The following RNF150 variants were observed in gnomAD, a reference collection of about 807,000 sequenced individuals.
RNF150 encodes the protein ring finger protein 150.
A neutral mutation model predicts 39.3 loss-of-function variants in RNF150; 24 were observed. The observed-to-expected ratio is 0.61, with a 90% confidence interval of 0.44 to 0.86. The LOEUF is 0.86. RNF150 is among the 40% of genes least tolerant of loss of function. The pLI, the probability that RNF150 is intolerant of heterozygous loss-of-function variation, is 0.00. For synonymous variants in RNF150, 255 were observed against 227.3 expected, an observed-to-expected ratio of 1.12 and a Z score of -1.10; for missense variants, 502 against 587.8, an observed-to-expected ratio of 0.85 and a Z score of 1.51.
In RNF150 at chr4:140,873,224, A is replaced by G. The variant is rs556332434; in HGVS notation, c.1199-4845T>C. On this transcript the variant is annotated intron_variant, in intron 6 of 6. Coordinates refer to ENST00000515673, the MANE Select transcript of RNF150 (RefSeq NM_020724.2). ...ATACGGTAATACCTGTCTGATTCCC[A>G]GATGGACACCACTGGTGGGAGCTGA... 3.9e-5 allele frequency among the ~76,000 whole-genome samples: 6 copies of G among 152,364 alleles called. No individual in the cohort carries two copies. In the East Asian group the frequency reaches 9.6e-4, roughly 24 times the overall value.
At chr4:141,003,090 T>C (rs967818991) in intron 1 of RNF150, among the ~76,000 whole-genome samples, 2 of 152,152 alleles carry the variant, frequency 1.3e-5, no homozygotes, top group African/African-American at 4.8e-5. Context: ...TCTTTCTGCC[T>C]GATAAAGATA....
At chr4:140,941,356 A>G (rs1396083045) in intron 4 of RNF150, among the ~76,000 whole-genome samples, 1 of 152,224 alleles carries the variant, frequency 6.6e-6, no homozygotes, top group East Asian at 1.9e-4. Flanking sequence ...TTCTTAGAGT[A>G]ATCTCCAATA....
intron 1 of RNF150, among the ~76,000 whole-genome samples, chr4:140,999,888 A>C (rs1734511285): frequency 6.6e-6 from 1 of 150,462 alleles, no homozygotes; most frequent in African/African-American, 2.4e-5. Context: ...TAGTGAGCCG[A>C]GATCACGCCA....
intron 1 of RNF150, among the ~76,000 whole-genome samples, chr4:141,048,957 GAGAGCAGCAGTC>G (rs1378208007): frequency 2.0e-5 from 3 of 152,156 alleles, no homozygotes; most frequent in African/African-American, 4.8e-5. Context: ...GGTTGGCAGT[GAGAGCAGCAGTC>G]AGGCCTGATG....
At chr4:141,086,644 T>C (rs1738376839) in intron 1 of RNF150, among the ~76,000 whole-genome samples, 1 of 151,912 alleles carries the variant, frequency 6.6e-6, no homozygotes, top group Non-Finnish European at 1.5e-5. Flanking sequence ...ACATCTATAA[T>C]ATTTATTTAA....
At chr4:140,999,341 C>T (rs2111496097) in intron 1 of RNF150, among the ~76,000 whole-genome samples, 1 of 152,342 alleles carries the variant, frequency 6.6e-6, no homozygotes, top group African/African-American at 2.4e-5. Context: ...TATGAATATT[C>T]TTGTTTTTGA....
intron 1 of RNF150, among the ~76,000 whole-genome samples, chr4:141,175,754 G>A (rs1049997444): frequency 6.6e-6 from 1 of 152,210 alleles, no homozygotes; most frequent in African/African-American, 2.4e-5. Context: ...TCTGGAGGCT[G>A]GAAGTTCAAG....
At chr4:140,886,699 C>G (rs1263450033) in intron 6 of RNF150, among the ~76,000 whole-genome samples, 1 of 152,106 alleles carries the variant, frequency 6.6e-6, no homozygotes, top group Non-Finnish European at 1.5e-5. Context: ...CTTATTGCAG[C>G]CTCGACACCC....
chr4:141,169,374 C>A (rs536394430), intron 1 of RNF150, among the ~76,000 whole-genome samples: 1 of 152,280 alleles, frequency 6.6e-6, no homozygotes, highest in East Asian at 1.9e-4. Context: ...CCTGAGGAAC[C>A]ATGAGCCAAT....
At chr4:140,949,171 G>A in intron 3 of RNF150, 130 bp downstream of exon 3, 1 of 603,890 alleles carries the variant, frequency 1.7e-6, no homozygotes, top group Non-Finnish European at 2.9e-6. Context: ...TATAATAACA[G>A]ATACTGATAG....
In RNF150 at chr4:141,171,146, T is replaced by G. The variant is rs536869253; in HGVS notation, c.-6+41648A>C. 1.5e-3 allele frequency among the ~76,000 whole-genome samples: 228 copies of G among 152,302 alleles called. 1 individual carries two copies. The highest frequency in any genetic ancestry group is 3.4e-3 in the Middle Eastern group (1 of 294). On this transcript the variant is annotated intron_variant, in intron 1 of 7. Coordinates refer to the RNF150 transcript ENST00000420921. ...GCAAGGAGAGCTTCCAACATAGGGT[T>G]GTAAAGAATGACTTGTAAAAGAAGG...
chr4:141,132,552 G>A lies in RNF150; in HGVS notation c.257C>T (p.Ala86Val). 1 of 1,594,024 alleles carries A rather than the reference G, an allele frequency of 6.3e-7. No homozygotes were observed. Among genetic ancestry groups the A allele is most frequent in the Non-Finnish European group, 8.5e-7 (1 of 1,171,174 alleles). The change falls in exon 1 of 7, where the codon GCC becomes GTC. Residue 86 changes from alanine (A) to valine (V), a missense_variant. Transcript: ENST00000515673. The surrounding 1 kb of genome is among the most constrained non-coding windows in gnomAD (Gnocchi z 4.9). ...RYGEHSPKQD[A>V]RGEVVMASSA... Reference sequence around the variant, plus strand: ...GCTGGCCATGACCACCTCCCCGCGGGCGTCCTGCTTGGGCGAGTGCTCTCC... The same window carrying A: ...GCTGGCCATGACCACCTCCCCGCGGACGTCCTGCTTGGGCGAGTGCTCTCC...
At chr4:141,023,794 C>T (rs527339318) in intron 1 of RNF150, among the ~76,000 whole-genome samples, 3 of 152,136 alleles carry the variant, frequency 2.0e-5, no homozygotes, top group East Asian at 1.9e-4. Flanking sequence ...ACAAACTTCA[C>T]GGTGCTTTCC....
chr4:141,113,212 T>C (rs1423691830), intron 1 of RNF150, among the ~76,000 whole-genome samples: 3 of 151,834 alleles, frequency 2.0e-5, no homozygotes, highest in South Asian at 2.1e-4. Flanking sequence ...ACCCCGCTTC[T>C]GAGCCTACTT....
chr4:141,016,141 G>A, intron 1 of RNF150, among the ~76,000 whole-genome samples: 1 of 151,888 alleles, frequency 6.6e-6, no homozygotes, highest in South Asian at 2.1e-4. Context: ...TCTTTTTACT[G>A]CGTCCGTCCC....
At chr4:140,965,147 A>G (rs954033656) in intron 2 of RNF150, among the ~76,000 whole-genome samples, 4 of 152,120 alleles carry the variant, frequency 2.6e-5, no homozygotes, top group African/African-American at 9.7e-5. Context: ...TGGTCTATAG[A>G]AAATCTTATT....
chr4:140,936,395 A>G (rs1452875163), intron 4 of RNF150, among the ~76,000 whole-genome samples: 1 of 152,184 alleles, frequency 6.6e-6, no homozygotes, highest in Non-Finnish European at 1.5e-5. Flanking sequence ...TTAAACTCCT[A>G]CTACACTGCA....
At chr4:141,052,578 G>T (rs778001184) in intron 1 of RNF150, among the ~76,000 whole-genome samples, 1 of 152,182 alleles carries the variant, frequency 6.6e-6, no homozygotes, top group East Asian at 1.9e-4. Context: ...GTTTCACTAC[G>T]TTGGCCAGGC....
intron 1 of RNF150, among the ~76,000 whole-genome samples, chr4:141,128,595 T>C (rs1036467848): frequency 6.6e-6 from 1 of 152,196 alleles, no homozygotes; most frequent in Non-Finnish European, 1.5e-5. Context: ...TCTGGGGCTT[T>C]TACTACTTGG....
Sources: gnomAD v4.1 joint callset for allele counts (sites outside exome capture counted in the v4.1 genomes callset) on GRCh38, gnomAD v4.1.1 for gene constraint, Gnocchi (gnomAD v3.1) non-coding constraint, MANE v1.5 for transcripts, NCBI Gene and HGNC (gene_info 2026-07-23, HGNC 2026-07-21) for gene names.